The following CFDP1 variants were observed in gnomAD, a reference collection of about 807,000 sequenced individuals.
The protein encoded by CFDP1 is heterochromatin-stabilizing protein CFDP1.
CFDP1 carries 31 observed loss-of-function variants against 40.1 expected under a neutral mutation model. The ratio of observed to expected loss-of-function variants is 0.77; its 90% CI spans 0.58 to 1.04. CFDP1 has a LOEUF of 1.04. Ranked by LOEUF, CFDP1 falls within the 50% of genes least tolerant of loss-of-function variation. The pLI, the probability that CFDP1 is intolerant of heterozygous loss-of-function variation, is 0.00. For missense variants in CFDP1, 423 were observed against 343.4 expected (o/e 1.23, Z -1.83); for synonymous variants, 167 against 120.0 (o/e 1.39, Z -2.56).
chr16:75,389,197 C>T (rs947941086), intron 5 of CFDP1, among the ~76,000 whole-genome samples: 2 of 152,138 alleles, frequency 1.3e-5, no homozygotes, highest in Admixed American at 6.5e-5. Flanking sequence ...CAGATACCAG[C>T]AAATGCTGAG....
chr16:75,412,373 TACA>T (rs2079170549), intron 3 of CFDP1, among the ~76,000 whole-genome samples, 159 bp downstream of exon 3: 1 of 152,226 alleles, frequency 6.6e-6, no homozygotes, highest in Non-Finnish European at 1.5e-5. Context: ...ATTGGAAACT[TACA>T]TGATTAGAGA....
chr16:75,368,078 C>T (rs540978888), intron 5 of CFDP1, among the ~76,000 whole-genome samples: 3 of 151,990 alleles, frequency 2.0e-5, no homozygotes, highest in Admixed American at 6.6e-5. Flanking sequence ...CCTCTGGCCA[C>T]AGAGAAGACT....
At chr16:75,390,265 ACT>A (rs1296574538) in intron 5 of CFDP1, among the ~76,000 whole-genome samples, 1 of 151,988 alleles carries the variant, frequency 6.6e-6, no homozygotes, top group Non-Finnish European at 1.5e-5. Context: ...CCTGATGAAG[ACT>A]CTCCTTAAAC....
chr16:75,337,736 T>G lies in CFDP1; in HGVS notation c.651-32554A>C, dbSNP rs11860209. 6.8e-3 allele frequency among the ~76,000 whole-genome samples: 1,034 copies of G among 152,134 alleles called. 13 individuals are homozygous for G. The highest frequency in any genetic ancestry group is 0.024 in the African/African-American group (998 of 41,486). ...ACAACCAAATCTCATGAGAACTCAC[T>G]ATCACGAAAACAGCAAGGGGGAAGT... is the stretch of plus-strand genomic sequence containing the variant. On this transcript the variant is annotated intron_variant, in intron 5 of 6. Transcript: ENST00000283882.
At chr16:75,408,056 A>G (rs1387251937) in intron 4 of CFDP1, among the ~76,000 whole-genome samples, 1 of 142,284 alleles carries the variant, frequency 7.0e-6, no homozygotes, top group African/African-American at 2.5e-5. Context: ...GTGAGCTGAG[A>G]TTGTGTCACT....
At chr16:75,309,034 A>G (rs10781977) in intron 5 of CFDP1, among the ~76,000 whole-genome samples, 108,866 of 152,036 alleles carry the variant, frequency 0.72, 39,615 homozygotes, top group Admixed American at 0.79. Flanking sequence ...AAAGCAAAAT[A>G]ATCTGTCTTT....
At chr16:75,326,486 C>T (rs1725253896) in intron 5 of CFDP1, among the ~76,000 whole-genome samples, 1 of 152,158 alleles carries the variant, frequency 6.6e-6, no homozygotes, top group South Asian at 2.1e-4. Context: ...AAAAGATGGC[C>T]ACTCCCTAAA....
chr16:75,404,897 T>C (rs188381219), intron 4 of CFDP1, among the ~76,000 whole-genome samples: 19 of 152,300 alleles, frequency 1.2e-4, no homozygotes, highest in African/African-American at 4.6e-4. Flanking sequence ...ACTTCTAGAC[T>C]GGATTTTAGA....
intron 5 of CFDP1, among the ~76,000 whole-genome samples, chr16:75,341,182 CCA>C (rs1186287702): frequency 6.6e-6 from 1 of 152,142 alleles, no homozygotes; most frequent in East Asian, 1.9e-4. Context: ...TGACAAGGCA[CCA>C]GTTTTTAAAT....
At chr16:75,432,942 C>A (rs1169883937) in intron 1 of CFDP1, among the ~76,000 whole-genome samples, 2 of 152,232 alleles carry the variant, frequency 1.3e-5, no homozygotes, top group East Asian at 3.9e-4. Context: ...CTGAAAAAAA[C>A]CTCCAAGGCT....
chr16:75,294,063 TTGTCAGTA>T (rs747114021), intron 6 of CFDP1, 21 bp from the exon 7 acceptor site: 9 of 1,588,260 alleles, frequency 5.7e-6, no homozygotes, highest in Non-Finnish European at 6.9e-6. Flanking sequence ...AAAACAGTGT[TTGTCAGTA>T]GAATCCAGTA....
Position 75,375,557 on chromosome 16 carries a change from C to T in CFDP1, c.650+19533G>A, listed in dbSNP as rs567474871. 1.9e-3 allele frequency among the ~76,000 whole-genome samples: 282 copies of T among 152,014 alleles called. 1 individual carries two copies. The highest frequency in any genetic ancestry group is 6.1e-3 in the African/African-American group (251 of 41,466). ...CTGTAATCCCAGCACTTTGGGAGGCCGAGGCGGGTGGATCACCTCAGGTCA... is the reference window on the plus strand; with the variant it reads ...CTGTAATCCCAGCACTTTGGGAGGCTGAGGCGGGTGGATCACCTCAGGTCA... On this transcript the variant is annotated intron_variant, in intron 5 of 6. Coordinates refer to ENST00000283882, the MANE Select transcript of CFDP1 (RefSeq NM_006324.3).
intron 5 of CFDP1, among the ~76,000 whole-genome samples, chr16:75,381,693 G>T (rs1285279656): frequency 6.6e-6 from 1 of 152,138 alleles, no homozygotes; most frequent in Non-Finnish European, 1.5e-5. Context: ...TAATATGGGA[G>T]GATTTAGGGA....
intron 5 of CFDP1, among the ~76,000 whole-genome samples, chr16:75,325,571 T>G (rs1318812554): frequency 6.6e-6 from 1 of 152,234 alleles, no homozygotes; most frequent in African/African-American, 2.4e-5. Context: ...TGTTTATTCT[T>G]TTACTGTCTA....
At chr16:75,328,543 G>A (rs1345255559) in intron 5 of CFDP1, among the ~76,000 whole-genome samples, 4 of 135,624 alleles carry the variant, frequency 2.9e-5, no homozygotes, top group South Asian at 5.2e-4. Context: ...AGGGCGCAGT[G>A]AGCCAAGATC....
chr16:75,426,029 C>T (rs568808840), intron 1 of CFDP1, among the ~76,000 whole-genome samples: 1 of 80,652 alleles, frequency 1.2e-5, no homozygotes, highest in Non-Finnish European at 2.2e-5. Flanking sequence ...GAGCAACACT[C>T]TGTCTCAAAA....
At chr16:75,319,302 A>T (rs997399857) in intron 5 of CFDP1, among the ~76,000 whole-genome samples, 5 of 152,136 alleles carry the variant, frequency 3.3e-5, no homozygotes, top group African/African-American at 1.2e-4. Context: ...TCGGCCTCCC[A>T]AAGTGCTGGG....
intron 5 of CFDP1, among the ~76,000 whole-genome samples, chr16:75,323,227 T>TA (rs1270697879): frequency 2.7e-3 from 394 of 143,412 alleles, no homozygotes; most frequent in Middle Eastern, 0.014. Flanking sequence ...TTTTTAACGT[T>TA]AAAAAAAAAA....
intron 5 of CFDP1, among the ~76,000 whole-genome samples, chr16:75,347,915 C>G (rs1323554617): frequency 6.6e-6 from 1 of 152,140 alleles, no homozygotes; most frequent in Non-Finnish European, 1.5e-5. Context: ...TACAAAATAC[C>G]TGGCCAGCAC....
Sources: allele counts gnomAD v4.1 joint callset (sites outside exome capture counted in the v4.1 genomes callset), GRCh38; gene constraint gnomAD v4.1.1; transcripts MANE v1.5; gene names NCBI Gene and HGNC (gene_info 2026-07-23, HGNC 2026-07-21).